ARHGAP18: variants seen among roughly 807,000 people sequenced by gnomAD.
ARHGAP18 encodes rho GTPase-activating protein 18.
A neutral mutation model predicts 86.2 loss-of-function variants in ARHGAP18; 67 were observed. The ratio of observed to expected loss-of-function variants is 0.78; its 90% CI spans 0.64 to 0.95. The LOEUF is 0.95. Ranked by LOEUF, ARHGAP18 falls within the 40% of genes least tolerant of loss-of-function variation. The pLI, the probability that ARHGAP18 is intolerant of heterozygous loss-of-function variation, is 0.00. For synonymous variants in ARHGAP18, 283 were observed against 280.4 expected, an observed-to-expected ratio of 1.01 and a Z score of -0.09; for missense variants, 691 against 780.4, an observed-to-expected ratio of 0.89 and a Z score of 1.37.
chr6:129,704,735 T>C (rs1774776114), intron 1 of ARHGAP18, among the ~76,000 whole-genome samples: 1 of 152,110 alleles, frequency 6.6e-6, no homozygotes, highest in Non-Finnish European at 1.5e-5. Context: ...GCTTCTACAC[T>C]CTATAATCAA....
At chr6:129,644,047 T>C (rs1215640303) in intron 1 of ARHGAP18, among the ~76,000 whole-genome samples, 1 of 152,220 alleles carries the variant, frequency 6.6e-6, no homozygotes, top group African/African-American at 2.4e-5. Flanking sequence ...GTTGCATACA[T>C]GAATAAACAA....
rs373883159 is a variant in ARHGAP18 at position 129,588,033 on chromosome 6, G to A, written c.1714-3921C>T. ...ATGGGGGTACAGGCATTGAGCAAAT[G>A]CACCCATTCCAAATGGGAGAAACTT... On this transcript the variant is annotated intron_variant, in intron 12 of 14. Coordinates refer to ENST00000368149, the MANE Select transcript of ARHGAP18 (RefSeq NM_033515.3). Among the ~76,000 whole-genome samples the A allele has an allele frequency of 1.8e-4, 28 of 152,086 alleles. No homozygotes were observed. The East Asian group carries it at 2.5e-3, about 14-fold the overall frequency.
At chr6:129,665,351 G>A (rs1384954837) in intron 1 of ARHGAP18, among the ~76,000 whole-genome samples, 1 of 152,114 alleles carries the variant, frequency 6.6e-6, no homozygotes, top group African/African-American at 2.4e-5. Context: ...TTCGAGACCA[G>A]CATGGGTAAC....
chr6:129,658,102 T>C (rs1285324046), intron 1 of ARHGAP18, among the ~76,000 whole-genome samples: 1 of 152,258 alleles, frequency 6.6e-6, no homozygotes, highest in Non-Finnish European at 1.5e-5. Flanking sequence ...TCAGGTCTAC[T>C]GTTCACCGTG....
rs548480637 is a variant in ARHGAP18, at chr6:129,687,668, A to G, written c.113+22356T>C. Among the ~76,000 whole-genome samples, 4 of 152,306 alleles carry G rather than the reference A, an allele frequency of 2.6e-5. No homozygotes were observed. In the South Asian group the frequency reaches 6.2e-4, roughly 24 times the overall value. Reference sequence around the variant, plus strand: ...ACCCACACCTTAACCTGTGTTGACCATCTCCCTCTCTCATCACAATATCTC... The same window carrying G: ...ACCCACACCTTAACCTGTGTTGACCGTCTCCCTCTCTCATCACAATATCTC... On this transcript the variant is annotated intron_variant, in intron 1 of 14. Coordinates refer to ENST00000368149, the MANE Select transcript of ARHGAP18 (RefSeq NM_033515.3).
At chr6:129,583,054 A>T (rs1374979518) in intron 13 of ARHGAP18, among the ~76,000 whole-genome samples, 1 of 152,192 alleles carries the variant, frequency 6.6e-6, no homozygotes, top group African/African-American at 2.4e-5. Context: ...GAAGTATTTA[A>T]CATGTTTCTG....
At chr6:129,709,359 G>A (rs1774860197) in intron 1 of ARHGAP18, among the ~76,000 whole-genome samples, 1 of 152,120 alleles carries the variant, frequency 6.6e-6, no homozygotes, top group Non-Finnish European at 1.5e-5. Flanking sequence ...CGCCTCAGTG[G>A]TCTATAGAAC....
chr6:129,647,886 G>A (rs1773612774), intron 1 of ARHGAP18, among the ~76,000 whole-genome samples: 1 of 152,136 alleles, frequency 6.6e-6, no homozygotes, highest in Non-Finnish European at 1.5e-5. Flanking sequence ...CAGCAAAGGG[G>A]TGATAGAATC....
chr6:129,650,611 T>C (rs1048088080), intron 1 of ARHGAP18, among the ~76,000 whole-genome samples: 3 of 152,134 alleles, frequency 2.0e-5, no homozygotes, highest in Non-Finnish European at 2.9e-5. Flanking sequence ...GATGAAGGTA[T>C]CTGTAGTGGG....
At chr6:129,589,947 C>T (rs1239888676) in intron 12 of ARHGAP18, among the ~76,000 whole-genome samples, 1 of 152,170 alleles carries the variant, frequency 6.6e-6, no homozygotes, top group Non-Finnish European at 1.5e-5. Context: ...TCCAAGGGTC[C>T]AAACATTGAA....
intron 11 of ARHGAP18, among the ~76,000 whole-genome samples, chr6:129,600,347 A>G (rs1472310646): frequency 6.6e-6 from 1 of 152,158 alleles, no homozygotes; most frequent in East Asian, 1.9e-4. Context: ...TAAAGGGTCT[A>G]TGAAAAAGAA....
At chr6:129,708,097 C>A (rs1048099113) in intron 1 of ARHGAP18, among the ~76,000 whole-genome samples, 1 of 152,144 alleles carries the variant, frequency 6.6e-6, no homozygotes, top group Admixed American at 6.6e-5. Flanking sequence ...CAGGGTATCT[C>A]CCAAAACAAC....
intron 5 of ARHGAP18, among the ~76,000 whole-genome samples, chr6:129,625,155 A>ATGATATAT (rs1460172523): frequency 0.099 from 112 of 1,134 alleles, 29 homozygotes; most frequent in Non-Finnish European, 0.14. Context: ...TATATTATAT[A>ATGATATAT]GATATATATT....
intron 12 of ARHGAP18, among the ~76,000 whole-genome samples, chr6:129,598,461 A>G (rs1177207850): frequency 6.6e-6 from 1 of 152,184 alleles, no homozygotes; most frequent in African/African-American, 2.4e-5. Flanking sequence ...AACAACTTCA[A>G]TGGTGGTGGT....
rs568481387 is a variant in ARHGAP18 at position 129,577,902 on chromosome 6, T to G, written c.*611A>C. On this transcript the variant is annotated 3_prime_UTR_variant, in exon 15 of 15. Coordinates refer to ENST00000368149, the MANE Select transcript of ARHGAP18 (RefSeq NM_033515.3). ...TACGGTTCTGTGAACATAAGTCAGA[T>G]GAACTGAAAAAAAATGCAAATCACT... The G allele has an allele frequency of 1.6e-4, 25 of 152,232 alleles. No homozygotes were observed. The highest frequency in any genetic ancestry group is 7.8e-4 in the Admixed American group (12 of 15,296). The allele number at this position is 152,232 out of a possible 1,614,324, so 9.4% of individuals were successfully genotyped here.
At chr6:129,596,615 C>T (rs1281153184) in intron 12 of ARHGAP18, among the ~76,000 whole-genome samples, 1 of 152,146 alleles carries the variant, frequency 6.6e-6, no homozygotes, top group South Asian at 2.1e-4. Context: ...ATTTCAAGTA[C>T]CCAGTAATTC....
intron 10 of ARHGAP18, among the ~76,000 whole-genome samples, chr6:129,602,827 T>C (rs1246703714): frequency 6.6e-6 from 1 of 151,956 alleles, no homozygotes; most frequent in Non-Finnish European, 1.5e-5. Context: ...TAATAAACCG[T>C]TTTAATTGTG....
intron 10 of ARHGAP18, among the ~76,000 whole-genome samples, chr6:129,601,187 T>C (rs1169718198): frequency 6.6e-6 from 1 of 152,198 alleles, no homozygotes; most frequent in Non-Finnish European, 1.5e-5. Flanking sequence ...ATACAAACAT[T>C]TGCTTATTTC....
intron 1 of ARHGAP18, among the ~76,000 whole-genome samples, chr6:129,686,262 A>G (rs1774422618): frequency 6.6e-6 from 1 of 152,006 alleles, no homozygotes; most frequent in South Asian, 2.1e-4. Context: ...CCCTCCTACC[A>G]TGGCTGCCCT....
Sources: allele counts gnomAD v4.1 joint callset (sites outside exome capture counted in the v4.1 genomes callset), GRCh38; gene constraint gnomAD v4.1.1; transcripts MANE v1.5; gene names NCBI Gene and HGNC (gene_info 2026-07-23, HGNC 2026-07-21).